The following AKR1C8 variants were observed in gnomAD, a reference collection of about 807,000 sequenced individuals.
The protein encoded by AKR1C8 is aldo-keto reductase family 1 member C8.
At chr10:5,122,088 T>G in the AKR1C8 span, 1 of 300,302 alleles carries the variant, frequency 3.3e-6, no homozygotes, top group East Asian at 1.2e-4. Flanking sequence ...CACTTAAAAT[T>G]GTAACTTAGC....
At chr10:5,176,534 T>A in the AKR1C8 span, among the ~76,000 whole-genome samples, 1 of 150,976 alleles carries the variant, frequency 6.6e-6, no homozygotes, top group African/African-American at 2.4e-5. Context: ...GGTAGCTTGA[T>A]GGGGATGGCA....
At chr10:5,175,796 TGA>T in the AKR1C8 span, among the ~76,000 whole-genome samples, 3 of 151,496 alleles carry the variant, frequency 2.0e-5, no homozygotes, top group Non-Finnish European at 4.4e-5. Flanking sequence ...TGTCTGTTCA[TGA>T]ACTTCGCCCA....
At chr10:5,149,226 C>T in the AKR1C8 span, among the ~76,000 whole-genome samples, 1 of 151,954 alleles carries the variant, frequency 6.6e-6, no homozygotes, top group African/African-American at 2.4e-5. Flanking sequence ...CAAGTGTAGA[C>T]TCTAATAACA....
At chr10:5,180,010 C>T in the AKR1C8 span, among the ~76,000 whole-genome samples, 1 of 152,204 alleles carries the variant, frequency 6.6e-6, no homozygotes, top group Non-Finnish European at 1.5e-5. Flanking sequence ...TGTTCCGTTG[C>T]TGGTGAGGAA....
chr10:5,145,557 C>T, the AKR1C8 span, among the ~76,000 whole-genome samples: 1 of 152,254 alleles, frequency 6.6e-6, no homozygotes. Flanking sequence ...AGACATTTCT[C>T]AAAAGAAGAC....
chr10:5,142,896 T>C, the AKR1C8 span, among the ~76,000 whole-genome samples: 1 of 152,116 alleles, frequency 6.6e-6, no homozygotes, highest in Non-Finnish European at 1.5e-5. Flanking sequence ...GCAGGGTTGC[T>C]ACAAATGTTC....
the AKR1C8 span, among the ~76,000 whole-genome samples, chr10:5,162,664 C>A: frequency 6.6e-6 from 1 of 152,170 alleles, no homozygotes; most frequent in Non-Finnish European, 1.5e-5. Flanking sequence ...GTCTGATGCT[C>A]AGAGACACTG....
chr10:5,143,304 T>C, the AKR1C8 span, among the ~76,000 whole-genome samples: 3 of 152,184 alleles, frequency 2.0e-5, no homozygotes, highest in Non-Finnish European at 2.9e-5. Context: ...CTTCTGATCT[T>C]TGAACTTGTT....
the AKR1C8 span, among the ~76,000 whole-genome samples, chr10:5,131,736 G>A: frequency 6.6e-6 from 1 of 151,874 alleles, no homozygotes; most frequent in African/African-American, 2.4e-5. Flanking sequence ...CTTTTACATT[G>A]CTGGTGGGAA....
the AKR1C8 span, among the ~76,000 whole-genome samples, chr10:5,173,649 A>T: frequency 5.9e-5 from 2 of 34,052 alleles, no homozygotes; most frequent in East Asian, 5.5e-4. Flanking sequence ...CAAAACGATT[A>T]AAAAAAAAAA....
At chr10:5,150,521 T>C in the AKR1C8 span, among the ~76,000 whole-genome samples, 1 of 152,104 alleles carries the variant, frequency 6.6e-6, no homozygotes, top group Non-Finnish European at 1.5e-5. Context: ...TATTTGACAA[T>C]GCTTCCTGTA....
At chr10:5,135,351 G>A in the AKR1C8 span, 1 of 153,824 alleles carries the variant, frequency 6.5e-6, no homozygotes, top group Non-Finnish European at 1.5e-5. Context: ...GCTGACCAAT[G>A]TCATGTAGGA....
chr10:5,175,460 G>A, the AKR1C8 span, among the ~76,000 whole-genome samples: 2 of 152,134 alleles, frequency 1.3e-5, no homozygotes, highest in South Asian at 4.1e-4. Context: ...CTTTATAGCA[G>A]CATGATTTAT....
chr10:5,173,750 A>C, the AKR1C8 span, among the ~76,000 whole-genome samples: 1 of 152,080 alleles, frequency 6.6e-6, no homozygotes, highest in Non-Finnish European at 1.5e-5. Flanking sequence ...AATTTTAATT[A>C]ATGAAAAATA....
chr10:5,165,807 G>A, the AKR1C8 span, among the ~76,000 whole-genome samples: 3 of 152,088 alleles, frequency 2.0e-5, no homozygotes, highest in African/African-American at 7.2e-5. Context: ...TCTGACTACT[G>A]TACAATGTCT....
chr10:5,140,182 T>C, the AKR1C8 span, among the ~76,000 whole-genome samples: 20 of 152,030 alleles, frequency 1.3e-4, no homozygotes, highest in African/African-American at 2.4e-4. Flanking sequence ...AATAGGAATG[T>C]TTTTACACTG....
At chr10:5,154,249 C>A in the AKR1C8 span, 4 of 465,838 alleles carry the variant, frequency 8.6e-6, no homozygotes, top group Non-Finnish European at 1.8e-5. Flanking sequence ...TCTGAAGAAG[C>A]ACTTGGGATG....
At chr10:5,156,525 G>GATCGATCTATCTATCTATCT in the AKR1C8 span, among the ~76,000 whole-genome samples, 19 of 141,042 alleles carry the variant, frequency 1.3e-4, no homozygotes, top group Middle Eastern at 3.5e-3. Flanking sequence ...GAAAGACTCA[G>GATCGATCTATCTATCTATCT]ATCTATCTAT....
chr10:5,156,979 T>G, the AKR1C8 span, among the ~76,000 whole-genome samples: 1 of 152,202 alleles, frequency 6.6e-6, no homozygotes, highest in Non-Finnish European at 1.5e-5. Flanking sequence ...CCAGAGTGGA[T>G]GTGGAGAAGG....
Sources: allele counts gnomAD v4.1 joint callset (sites outside exome capture counted in the v4.1 genomes callset), GRCh38; gene constraint gnomAD v4.1.1; transcripts MANE v1.5; gene names NCBI Gene and HGNC (gene_info 2026-07-23, HGNC 2026-07-21).